Variants in C1orf146 observed in about 807,000 individuals in gnomAD.
C1orf146 encodes chromosome 1 open reading frame 146.
In C1orf146, 22 loss-of-function variants were observed where a neutral mutation model predicts 23.0. The observed-to-expected ratio is 0.96, with a 90% CI of 0.68 to 1.36. The LOEUF (loss-of-function observed/expected upper bound fraction) is 1.36. Among genes scored for constraint, C1orf146 ranks in the 40% most tolerant of loss-of-function variants. C1orf146 has a pLI of 0.00. For missense variants in C1orf146, 199 were observed against 206.8 expected (o/e 0.96, Z 0.23); for synonymous variants, 59 against 65.3 (o/e 0.90, Z 0.47).
At chr1:92,229,882 T>C (rs185836104) in intron 1 of C1orf146, among the ~76,000 whole-genome samples, 1 of 152,152 alleles carries the variant, frequency 6.6e-6, no homozygotes, top group Admixed American at 6.5e-5. Flanking sequence ...GATATGACTT[T>C]AGGGTTTTCA....
chr1:92,222,668 G>C (rs572902386), intron 1 of C1orf146, among the ~76,000 whole-genome samples: 1 of 148,758 alleles, frequency 6.7e-6, no homozygotes, highest in Admixed American at 6.8e-5. Context: ...CTCACTGCAA[G>C]CTCTGCCTCC....
At chr1:92,227,669 T>C in intron 1 of C1orf146, among the ~76,000 whole-genome samples, 1 of 152,190 alleles carries the variant, frequency 6.6e-6, no homozygotes, top group Admixed American at 6.5e-5. Flanking sequence ...TTTAAAAACA[T>C]ATTAATCTCA....
chr1:92,226,547 G>A (rs1409517749), intron 1 of C1orf146, among the ~76,000 whole-genome samples: 4 of 152,030 alleles, frequency 2.6e-5, no homozygotes, highest in Admixed American at 1.3e-4. Flanking sequence ...TACCACTTAT[G>A]GTTCTCTTCA....
rs151169690 is a variant in C1orf146, at chr1:92,245,315, T to A, written c.409-225T>A. ...CTTTTATACTTGGAACATATCCCCATTAAAGCAATTTTTATATATTCTACT... is the reference window on the plus strand; with the variant it reads ...CTTTTATACTTGGAACATATCCCCAATAAAGCAATTTTTATATATTCTACT... On this transcript the variant is annotated intron_variant, in intron 5 of 5. Coordinates refer to ENST00000370375, the MANE Select transcript of C1orf146 (RefSeq NM_001012425.2). Among the ~76,000 whole-genome samples the A allele has an allele frequency of 3.5e-3, 533 of 152,324 alleles. 1 individual carries two copies. Among genetic ancestry groups the A allele is most frequent in the Admixed American group, 6.6e-3 (101 of 15,290 alleles).
In C1orf146 at chr1:92,238,476, T is replaced by C. The variant is rs186810504; in HGVS notation, c.67-3736T>C. Among the ~76,000 whole-genome samples, 29 of 152,366 alleles carry C rather than the reference T, an allele frequency of 1.9e-4. No individual in the cohort carries two copies. In the East Asian group the frequency reaches 4.2e-3, roughly 22 times the overall value. Reference sequence around the variant, plus strand: ...ATCTTATTTCAATCCGGAGCATCTTTTAATATCTCATAGGACTAATATTCT... The same window carrying C: ...ATCTTATTTCAATCCGGAGCATCTTCTAATATCTCATAGGACTAATATTCT... On this transcript the variant is annotated intron_variant, in intron 2 of 5. Transcript: ENST00000370375.
chr1:92,245,348 T>C (rs1652575480), intron 5 of C1orf146, among the ~76,000 whole-genome samples, 192 bp from the exon 6 acceptor site: 2 of 152,228 alleles, frequency 1.3e-5, no homozygotes, highest in Non-Finnish European at 2.9e-5. Context: ...ACTTTTTGGC[T>C]TGCATGTTTA....
chr1:92,229,817 CA>C (rs1652065237), intron 1 of C1orf146, among the ~76,000 whole-genome samples: 1 of 151,828 alleles, frequency 6.6e-6, no homozygotes, highest in Non-Finnish European at 1.5e-5. Context: ...AGAAATCCTA[CA>C]AATATATAAG....
intron 3 of C1orf146, among the ~76,000 whole-genome samples, chr1:92,243,582 T>G (rs1019184788): frequency 6.6e-6 from 1 of 152,162 alleles, no homozygotes; most frequent in Non-Finnish European, 1.5e-5. Flanking sequence ...CCTGACTTTG[T>G]GATCCGCCCA....
In C1orf146 at chr1:92,237,589, G is replaced by T. The variant is rs111433063; in HGVS notation, c.67-4623G>T. On this transcript the variant is annotated intron_variant, in intron 2 of 5. Transcript: ENST00000370375. ...TGAGGAGGCAGTCTGCCTGTTCTCA[G>T]ATCTCCAGCTGCGTGCTGGGAGAAC... Among the ~76,000 whole-genome samples, 1,171 of 152,296 alleles carry T rather than the reference G, an allele frequency of 7.7e-3. 6 individuals carry two copies. The highest frequency in any genetic ancestry group is 0.027 in the African/African-American group (1,122 of 41,558).
chr1:92,224,759 TC>T (rs1651924012), intron 1 of C1orf146, among the ~76,000 whole-genome samples: 1 of 152,218 alleles, frequency 6.6e-6, no homozygotes, highest in Non-Finnish European at 1.5e-5. Context: ...AATTTGTTCT[TC>T]TTTTTTTTCG....
chr1:92,231,484 A>C lies in C1orf146; in HGVS notation c.64A>C (p.Lys22Gln). ...TTTIIISSSL[K>Q]SYEVATALEN... Reference sequence around the variant, plus strand: ...CACCATTATTATTAGCTCATCTCTTAAGGTAAAGGGGCATTTGGGCCACTG... The same window carrying C: ...CACCATTATTATTAGCTCATCTCTTCAGGTAAAGGGGCATTTGGGCCACTG... The change falls in exon 2 of 6, where the codon AAG (lysine) becomes CAG (glutamine). Residue 22 changes from lysine (K) to glutamine (Q), a missense_variant and splice_region_variant. Coordinates refer to ENST00000370375, the MANE Select transcript of C1orf146 (RefSeq NM_001012425.2). The C allele has an allele frequency of 6.2e-7, 1 of 1,605,062 alleles. No homozygotes were observed. Among genetic ancestry groups the C allele is most frequent in the Non-Finnish European group, 8.5e-7 (1 of 1,176,070 alleles).
At chr1:92,226,439 CAAT>C (rs1651971472) in intron 1 of C1orf146, among the ~76,000 whole-genome samples, 1 of 151,656 alleles carries the variant, frequency 6.6e-6, no homozygotes, top group Non-Finnish European at 1.5e-5. Flanking sequence ...ACACTTGACC[CAAT>C]AATATAATTA....
chr1:92,225,896 A>G (rs560081657), intron 1 of C1orf146, among the ~76,000 whole-genome samples: 2 of 152,060 alleles, frequency 1.3e-5, no homozygotes, highest in East Asian at 3.8e-4. Flanking sequence ...CTTTCAACCT[A>G]TTTGTATCCT....
chr1:92,220,522 G>A (rs563448732), intron 1 of C1orf146, among the ~76,000 whole-genome samples: 283 of 152,286 alleles, frequency 1.9e-3, no homozygotes, highest in African/African-American at 6.4e-3. Context: ...TGTATAGTAT[G>A]TTAATGTACT....
chr1:92,242,984 G>A (rs1034786769), intron 3 of C1orf146, among the ~76,000 whole-genome samples: 15 of 152,302 alleles, frequency 9.8e-5, no homozygotes, highest in Admixed American at 2.6e-4. Flanking sequence ...TAGATCTCCA[G>A]GCTGAAAGTG....
intron 2 of C1orf146, among the ~76,000 whole-genome samples, chr1:92,241,756 C>T (rs1652435872): frequency 6.6e-6 from 1 of 152,160 alleles, no homozygotes; most frequent in Non-Finnish European, 1.5e-5. Context: ...CAGGCATGAG[C>T]CACCACCCAA....
At chr1:92,245,016 TA>T (rs1188956910) in intron 5 of C1orf146, among the ~76,000 whole-genome samples, 159 bp downstream of exon 5, 2 of 152,212 alleles carry the variant, frequency 1.3e-5, no homozygotes, top group African/African-American at 2.4e-5. Context: ...CTAACTCTCT[TA>T]AGTCTTCTCA....
intron 2 of C1orf146, among the ~76,000 whole-genome samples, chr1:92,235,075 A>G (rs946313717): frequency 6.6e-6 from 1 of 151,916 alleles, no homozygotes; most frequent in African/African-American, 2.4e-5. Flanking sequence ...TGGATTCATT[A>G]ATTTTTTGAA....
chr1:92,222,740 C>T (rs935927929), intron 1 of C1orf146, among the ~76,000 whole-genome samples: 4 of 151,836 alleles, frequency 2.6e-5, no homozygotes, highest in South Asian at 2.1e-4. Context: ...GCGCCTGCCA[C>T]CACGCCCGGC....
Sources: allele counts gnomAD v4.1 joint callset (sites outside exome capture counted in the v4.1 genomes callset), GRCh38; gene constraint gnomAD v4.1.1; transcripts MANE v1.5; gene names NCBI Gene and HGNC (gene_info 2026-07-23, HGNC 2026-07-21).